USP28: variants seen among roughly 807,000 people sequenced by gnomAD.
USP28 encodes the protein ubiquitin carboxyl-terminal hydrolase 28.
In USP28, 113 loss-of-function variants were observed where a neutral mutation model predicts 145.0. The ratio of observed to expected loss-of-function variants is 0.78; its 90% CI spans 0.67 to 0.91. The LOEUF (loss-of-function observed/expected upper bound fraction) is 0.91, where lower values mean the gene tolerates loss of function less well. Among genes scored for constraint, USP28 ranks in the 40% least tolerant of loss-of-function variants. USP28 has a pLI of 0.00. For synonymous variants in USP28, 447 were observed against 450.9 expected (o/e 0.99, Z 0.11); for missense variants, 1,201 against 1,289.6 (o/e 0.93, Z 1.05).
chr11:113,804,271 AG>A (rs1462828766), intron 21 of USP28, among the ~76,000 whole-genome samples: 1 of 152,238 alleles, frequency 6.6e-6, no homozygotes, highest in Non-Finnish European at 1.5e-5. Flanking sequence ...GTTCAAGTTC[AG>A]TAAGTGTGGT....
intron 11 of USP28, among the ~76,000 whole-genome samples, chr11:113,824,410 C>T (rs889788912): frequency 8.6e-5 from 13 of 152,026 alleles, no homozygotes; most frequent in Admixed American, 2.6e-4. Flanking sequence ...CTCCGCCTCC[C>T]GGGTTCAAGC....
At chr11:113,862,271 C>T (rs1292678406) in intron 1 of USP28, among the ~76,000 whole-genome samples, 1 of 152,152 alleles carries the variant, frequency 6.6e-6, no homozygotes, top group Non-Finnish European at 1.5e-5. Flanking sequence ...GGCTTGAACC[C>T]AGGAGGCGGA....
intron 16 of USP28, among the ~76,000 whole-genome samples, chr11:113,811,169 G>C (rs932547013): frequency 2.0e-5 from 3 of 152,186 alleles, no homozygotes; most frequent in African/African-American, 7.2e-5. Flanking sequence ...TATTGACTAT[G>C]TGATTACTCA....
chr11:113,872,486 CA>C (rs1241877247), intron 1 of USP28, among the ~76,000 whole-genome samples: 9,899 of 109,572 alleles, frequency 0.09, 381 homozygotes, highest in Admixed American at 0.12. Context: ...GACTCCGTCT[CA>C]AAAAAAAAAA....
intron 3 of USP28, among the ~76,000 whole-genome samples, chr11:113,844,034 A>G (rs1035014902): frequency 1.9e-4 from 29 of 152,212 alleles, no homozygotes; most frequent in Non-Finnish European, 3.5e-4. Context: ...ACACAGGTGT[A>G]AATCTTCATG....
chr11:113,856,559 C>T (rs1430759772), intron 1 of USP28, among the ~76,000 whole-genome samples: 1 of 152,114 alleles, frequency 6.6e-6, no homozygotes, highest in African/African-American at 2.4e-5. Context: ...CTACAAAAAG[C>T]TGAGGCACAG....
At chr11:113,842,865 T>TA (rs138617557) in intron 3 of USP28, among the ~76,000 whole-genome samples, 16,327 of 152,220 alleles carry the variant, frequency 0.11, 1,184 homozygotes, top group Non-Finnish European at 0.15. Flanking sequence ...ATATTTGCTT[T>TA]AAAATCAAGA....
chr11:113,813,935 T>C lies in USP28; in HGVS notation c.1693A>G (p.Ser565Gly), dbSNP rs1308671781. The C allele has an allele frequency of 2.5e-6, 4 of 1,609,720 alleles. No individual in the cohort carries two copies. The African/African-American group carries it at 4.0e-5, about 16-fold the overall frequency. ...ATCTGTTCAATAGTCTGAGTAGTACTTGCAATACAAGTCTTTAAATCTGTT... is the reference window on the plus strand; with the variant it reads ...ATCTGTTCAATAGTCTGAGTAGTACCTGCAATACAAGTCTTTAAATCTGTT... Residue 565 changes from serine to glycine, a missense_variant, in exon 15 of 25, where the codon AGT becomes GGT. Transcript: ENST00000003302.
At chr11:113,860,901 G>C (rs752612252) in intron 1 of USP28, among the ~76,000 whole-genome samples, 1 of 151,626 alleles carries the variant, frequency 6.6e-6, no homozygotes, top group South Asian at 2.1e-4. Context: ...GGCAGATCAC[G>C]AGGTCAGGAG....
At position 113,830,912 on chromosome 11, in the gene USP28, C is replaced by A. The variant is rs182463098; in HGVS notation, c.865G>T (p.Val289Leu). 3 of 1,614,046 alleles carry A rather than the reference C, an allele frequency of 1.9e-6. No homozygotes were observed. In the Admixed American group the frequency reaches 5.0e-5, roughly 27 times the overall value. The stretch of plus-strand genomic sequence containing the variant: ...AGGAAAGTACCATAGAACAGCTGCA[C>A]CATTGGATTTTCAGATTTGTTCCTG... The change falls in exon 9 of 25, where the codon GTG becomes TTG. Residue 289 changes from valine to leucine, a missense_variant. Coordinates refer to ENST00000003302, the Ensembl canonical transcript of USP28.
At chr11:113,809,306 T>C in intron 16 of USP28, 52 bp from the exon 17 acceptor site, 2 of 1,535,668 alleles carry the variant, frequency 1.3e-6, no homozygotes, top group Non-Finnish European at 1.8e-6. Flanking sequence ...GAAAACATCC[T>C]TTTTAGAAAA....
Position 113,848,974 on chromosome 11 carries a change from C to T in USP28, c.268+3527G>A, listed in dbSNP as rs184281546. 9.9e-5 allele frequency among the ~76,000 whole-genome samples: 15 copies of T among 152,248 alleles called. No homozygotes were observed. The East Asian group carries it at 2.7e-3, about 27-fold the overall frequency. On this transcript the variant is annotated intron_variant, in intron 3 of 24. Coordinates refer to ENST00000003302, the Ensembl canonical transcript of USP28. The stretch of plus-strand genomic sequence containing the variant: ...ATTACCACTTGAGGGGCATTTATTA[C>T]CTTGCTATGAGACATTAATTGAAGC...
intron 1 of USP28, among the ~76,000 whole-genome samples, chr11:113,873,950 G>A (rs1270289503): frequency 2.1e-5 from 3 of 144,746 alleles, no homozygotes; most frequent in African/African-American, 7.7e-5. Context: ...AGACCATCCT[G>A]GCCAACACAG....
Position 113,804,971 on chromosome 11 carries a change from G to A in USP28, c.2476C>T (p.Gln826Ter). ...TGGAAAAAGTAGACAAGGACATGCT[G>A]AAGTCGAGGATCACTGTGAGAGGTG... Residue 826 changes from glutamine to a stop codon, truncating the protein, a stop_gained, in exon 20 of 25, where the codon CAG becomes TAG. Transcript: ENST00000003302. LOFTEE classifies it high-confidence loss of function. The A allele has an allele frequency of 6.2e-7, 1 of 1,614,156 alleles. No homozygotes were observed. Among genetic ancestry groups the A allele is most frequent in the Non-Finnish European group, 8.5e-7 (1 of 1,180,022 alleles).
At chr11:113,828,883 T>C (rs774689575) in intron 10 of USP28, 2 of 533,136 alleles carry the variant, frequency 3.8e-6, no homozygotes, top group South Asian at 1.5e-5. Flanking sequence ...TCCGAAAATA[T>C]GGAGGCAGTG....
intron 12 of USP28, 115 bp downstream of exon 12, chr11:113,823,490 T>A (rs1942927870): frequency 1.1e-6 from 1 of 877,674 alleles, no homozygotes; most frequent in Non-Finnish European, 1.7e-6. Context: ...TTCTTAGCTG[T>A]TTTATAAAAT....
At chr11:113,801,714 C>A in intron 23 of USP28, 36 bp from the exon 25 acceptor site, 1 of 1,509,346 alleles carries the variant, frequency 6.6e-7, no homozygotes, top group South Asian at 1.3e-5. Context: ...GGGGAAGAGT[C>A]TGAAAAAGAT....
intron 1 of USP28, among the ~76,000 whole-genome samples, chr11:113,862,164 C>T (rs528418144): frequency 8.5e-5 from 13 of 152,086 alleles, no homozygotes; most frequent in Non-Finnish European, 1.3e-4. Context: ...CTGGCCAACA[C>T]GGTGAAACCC....
intron 3 of USP28, among the ~76,000 whole-genome samples, chr11:113,844,483 G>T (rs1157446020): frequency 1.3e-5 from 2 of 150,416 alleles, no homozygotes; most frequent in East Asian, 4.0e-4. Context: ...TCATAGAAAG[G>T]GAGAAAATAT....
Sources: allele counts gnomAD v4.1 joint callset (sites outside exome capture counted in the v4.1 genomes callset), GRCh38; gene constraint gnomAD v4.1.1; transcripts MANE v1.5; gene names NCBI Gene and HGNC (gene_info 2026-07-23, HGNC 2026-07-21).